MDGA1: variants seen among roughly 807,000 people sequenced by gnomAD.
MDGA1 encodes the protein MAM domain-containing glycosylphosphatidylinositol anchor protein 1.
MDGA1 carries 54 observed loss-of-function variants against 101.5 expected under a neutral mutation model. The ratio of observed to expected loss-of-function variants is 0.53; its 90% CI spans 0.43 to 0.67. MDGA1 has a LOEUF of 0.67. Among genes scored for constraint, MDGA1 ranks in the 30% least tolerant of loss-of-function variants. The pLI, the probability that MDGA1 is intolerant of heterozygous loss-of-function variation, is 0.00. For synonymous variants in MDGA1, 533 were observed against 558.3 expected, an observed-to-expected ratio of 0.95 and a Z score of 0.64; for missense variants, 1,083 against 1,323.8, an observed-to-expected ratio of 0.82 and a Z score of 2.82.
rs9380696 is a variant in MDGA1 at position 37,632,998 on chromosome 6, G to T, written c.*4370C>A. On this transcript the variant is annotated 3_prime_UTR_variant, in exon 17 of 17. Coordinates refer to ENST00000434837, the MANE Select transcript of MDGA1 (RefSeq NM_153487.4). ...CGGGAGGGGGCCAGGAAGGAGGGCA[G>T]TCCTATCCTAGGAGGGTCCCTGGGA... 130,841 of 152,302 alleles carry T rather than the reference G, an allele frequency of 0.86. 56,693 individuals carry two copies. Among genetic ancestry groups the T allele is most frequent in the East Asian group, 1 (5,131 of 5,148 alleles). 9.4% of individuals were successfully genotyped at this position (152,302 alleles called of 1,614,324 possible).
chr6:37,671,107 T>C (rs1488130198), intron 1 of MDGA1, among the ~76,000 whole-genome samples: 2 of 152,104 alleles, frequency 1.3e-5, no homozygotes, highest in South Asian at 2.1e-4. Context: ...CAAAACCCCA[T>C]GGAAAAGGAA....
chr6:37,638,063 ACAGT>A lies in MDGA1; in HGVS notation c.2776+138_2776+141del, dbSNP rs761917888. 1.5e-4 allele frequency: 107 copies of A among 707,542 alleles called. No individual in the cohort carries two copies. The highest frequency in any genetic ancestry group is 1.2e-3 in the African/African-American group (66 of 56,786). 43.8% of individuals were successfully genotyped at this position (707,542 alleles called of 1,614,324 possible). A position where few individuals can be genotyped will look rare whatever the true frequency, so the allele number is the denominator to read the frequency against. ...GAGTGAGTGTGGGGCACACCTTCAC[ACAGT>A]CAGAGCCACATGATTCCCATCACTC... On this transcript the variant is annotated intron_variant, in intron 16 of 16. Transcript: ENST00000434837. This position sits in a 1 kb window ranked among gnomAD's most constrained non-coding sequence, Gnocchi z 4.8.
rs754161882 is a variant in MDGA1 at position 37,652,188 on chromosome 6, G to A, written c.1135C>T (p.Arg379Cys). Residue 379 changes from arginine to cysteine, a missense_variant, in exon 7 of 17, where the codon CGC becomes TGC. By Grantham distance (180) the Arg-to-Cys change is radical (BLOSUM62 -3). Coordinates refer to ENST00000434837, the MANE Select transcript of MDGA1 (RefSeq NM_153487.4). This position sits in a 1 kb window ranked among gnomAD's most constrained non-coding sequence, Gnocchi z 4.3. ...GTCACCAGCAGCCGCTTGGACATGC[G>A]TGCCGGCTTGCCATTCTTGAACCAC... ...YQWFKNGKPARMSKRLLVTRN... is the reference protein window; with the variant it reads ...YQWFKNGKPACMSKRLLVTRN... 34 of 1,614,008 alleles carry A rather than the reference G, an allele frequency of 2.1e-5. No homozygotes were observed. The highest frequency in any genetic ancestry group is 3.3e-5 in the South Asian group (3 of 91,082).
intron 14 of MDGA1, among the ~76,000 whole-genome samples, chr6:37,640,777 G>A (rs1448527835): frequency 6.6e-6 from 1 of 152,140 alleles, no homozygotes; most frequent in Non-Finnish European, 1.5e-5. Context: ...CAGGGCAGTG[G>A]AGGAGGAAGA....
At position 37,644,070 on chromosome 6, in the gene MDGA1, C is replaced by A. The variant is rs1357506056; in HGVS notation, c.2402-127G>T. On this transcript the variant is annotated intron_variant, in intron 13 of 16. Transcript: ENST00000434837. ...GCCTCGCCCCACGCATCCTGCCTCA[C>A]CCCACGCATCCTGCCTCACCCCACA... 2.6e-6 allele frequency: 3 copies of A among 1,152,188 alleles called. No homozygotes were observed. In the African/African-American group the frequency reaches 4.9e-5, roughly 19 times the overall value. 71.4% of individuals were successfully genotyped at this position (1,152,188 alleles called of 1,614,324 possible). A position where few individuals can be genotyped will look rare whatever the true frequency, so the allele number is the denominator to read the frequency against.
Position 37,674,592 on chromosome 6 carries a change from A to C in MDGA1, c.68-10486T>G, listed in dbSNP as rs76523948. ...GTATTGAAAGTGGCAGGTGATGCTC[A>C]TAGAATCTTCACTGTCTATCAATGG... is the stretch of plus-strand genomic sequence containing the variant. On this transcript the variant is annotated intron_variant, in intron 1 of 16. Transcript: ENST00000434837. Among the ~76,000 whole-genome samples, 1,319 of 152,328 alleles carry C rather than the reference A, an allele frequency of 8.7e-3. 16 individuals carry two copies. Among genetic ancestry groups the C allele is most frequent in the African/African-American group, 0.03 (1,229 of 41,548 alleles).
chr6:37,650,495 C>A, intron 7 of MDGA1, 90 bp from the exon 8 acceptor site: 1 of 1,318,250 alleles, frequency 7.6e-7, no homozygotes, highest in Non-Finnish European at 1.0e-6. Flanking sequence ...TTACCTCCCG[C>A]TAGGGGCAAG....
rs553344287 is a variant in MDGA1, at chr6:37,671,188, A to G, written c.68-7082T>C. 1.8e-4 allele frequency among the ~76,000 whole-genome samples: 27 copies of G among 152,358 alleles called. No homozygotes were observed. In the South Asian group the frequency reaches 2.3e-3, roughly 13 times the overall value. On this transcript the variant is annotated intron_variant, in intron 1 of 16. Transcript: ENST00000434837. ...CCATCACAGACGATTTTCACTGTCA[A>G]TTAAGGATGCTGCATGTTCTTTCTC... is the stretch of plus-strand genomic sequence containing the variant.
chr6:37,694,768 C>T, intron 1 of MDGA1, among the ~76,000 whole-genome samples: 1 of 152,162 alleles, frequency 6.6e-6, no homozygotes, highest in Non-Finnish European at 1.5e-5. Flanking sequence ...AAGCCAAGCT[C>T]TCAAAGGAAA....
At chr6:37,647,531 G>A (rs777186165) in intron 9 of MDGA1, among the ~76,000 whole-genome samples, 40 of 152,050 alleles carry the variant, frequency 2.6e-4, no homozygotes, top group Non-Finnish European at 5.1e-4. Flanking sequence ...GAAAGTGGGA[G>A]ATGGAGACAG....
intron 1 of MDGA1, among the ~76,000 whole-genome samples, chr6:37,667,583 A>G (rs6915583): frequency 0.09 from 13,768 of 152,248 alleles, 717 homozygotes; most frequent in Middle Eastern, 0.13. Flanking sequence ...CTGTGGCCAA[A>G]GTCCTCGGGA....
At chr6:37,666,783 G>T (rs1428111781) in intron 1 of MDGA1, among the ~76,000 whole-genome samples, 2 of 152,212 alleles carry the variant, frequency 1.3e-5, no homozygotes, top group Admixed American at 1.3e-4. Context: ...CAGAAAACAG[G>T]CATCACCATC....
At chr6:37,646,411 G>T in intron 10 of MDGA1, 36 bp from the exon 11 acceptor site, 1 of 1,423,896 alleles carries the variant, frequency 7.0e-7, no homozygotes. Context: ...TGCCTAGGAA[G>T]TCAGGCCCTC....
chr6:37,693,361 T>A (rs1762353769), intron 1 of MDGA1, among the ~76,000 whole-genome samples: 1 of 152,234 alleles, frequency 6.6e-6, no homozygotes, highest in African/African-American at 2.4e-5. Context: ...CTGTAAGCTG[T>A]GTTGCTCTTG....
chr6:37,665,218 T>C (rs1285438371), intron 1 of MDGA1, among the ~76,000 whole-genome samples: 7 of 152,090 alleles, frequency 4.6e-5, no homozygotes, highest in Non-Finnish European at 1.0e-4. Context: ...CCCCAGTGCT[T>C]AAACTCTAGG....
At position 37,636,551 on chromosome 6, in the gene MDGA1, G is replaced by A. The variant is rs1763933414; in HGVS notation, c.*817C>T. The A allele has an allele frequency of 6.6e-6, 1 of 152,354 alleles. No individual in the cohort carries two copies. The highest frequency in any genetic ancestry group is 2.4e-5 in the African/African-American group (1 of 41,472). 9.4% of individuals were successfully genotyped at this position (152,354 alleles called of 1,614,324 possible). ...CCAGCTCCTCTGAGACCCAGCTGGG[G>A]GCTGAGGCTAGGAGAGAACCGTGTT... On this transcript the variant is annotated 3_prime_UTR_variant, in exon 17 of 17. Coordinates refer to ENST00000434837, the MANE Select transcript of MDGA1 (RefSeq NM_153487.4).
chr6:37,693,579 C>T (rs539743178), intron 1 of MDGA1, among the ~76,000 whole-genome samples: 4 of 152,354 alleles, frequency 2.6e-5, no homozygotes, highest in East Asian at 1.9e-4. Flanking sequence ...CACTGACCTG[C>T]GGTCCGACTG....
chr6:37,644,324 T>C (rs12530135), intron 13 of MDGA1, among the ~76,000 whole-genome samples, 173 bp downstream of exon 13: 81,880 of 151,926 alleles, frequency 0.54, 22,982 homozygotes, highest in South Asian at 0.7. Flanking sequence ...CACCTCAGAC[T>C]AGGGCTCCCT....
In MDGA1 at chr6:37,633,744, C is replaced by T. The variant is rs1763870710; in HGVS notation, c.*3624G>A. 1 of 152,360 alleles carries T rather than the reference C, an allele frequency of 6.6e-6. No homozygotes were observed. Among genetic ancestry groups the T allele is most frequent in the Non-Finnish European group, 1.5e-5 (1 of 68,162 alleles). The allele number at this position is 152,360 out of a possible 1,614,324, so 9.4% of individuals were successfully genotyped here. ...AACATCCCCACCGGCACCCTGGACA[C>T]AGGACTGTTAGCCAAACTCCCTGCA... On this transcript the variant is annotated 3_prime_UTR_variant, in exon 17 of 17. Coordinates refer to ENST00000434837, the MANE Select transcript of MDGA1 (RefSeq NM_153487.4).
Sources: allele counts gnomAD v4.1 joint callset (sites outside exome capture counted in the v4.1 genomes callset), GRCh38; gene constraint gnomAD v4.1.1; non-coding constraint Gnocchi (gnomAD v3.1); transcripts MANE v1.5; gene names NCBI Gene and HGNC (gene_info 2026-07-23, HGNC 2026-07-21).